Variants in PSMD1 observed in about 807,000 individuals in gnomAD.
The protein encoded by PSMD1 is 26S proteasome non-ATPase regulatory subunit 1.
A neutral mutation model predicts 119.0 loss-of-function variants in PSMD1; 18 were observed. The ratio of observed to expected loss-of-function variants is 0.15; its 90% CI spans 0.10 to 0.22. PSMD1 has a LOEUF of 0.22. PSMD1 is among the 10% of genes least tolerant of loss of function. PSMD1 has a pLI of 1.00. For synonymous variants in PSMD1, 374 were observed against 396.6 expected (o/e 0.94, Z 0.68); for missense variants, 702 against 1,158.5 (o/e 0.61, Z 5.72).
At chr2:231,084,355 A>AAT (rs528133452) in intron 14 of PSMD1, among the ~76,000 whole-genome samples, 19 of 150,770 alleles carry the variant, frequency 1.3e-4, no homozygotes, top group South Asian at 8.4e-4. Flanking sequence ...CCATCTCAAA[A>AAT]ATATATATAT....
chr2:231,109,452 C>T, intron 16 of PSMD1: 1 of 1,518,850 alleles, frequency 6.6e-7, no homozygotes, highest in Non-Finnish European at 9.1e-7. Flanking sequence ...ATTTTATGAC[C>T]TGTAACTCTT....
Position 231,170,505 on chromosome 2 carries a change from C to G in PSMD1, c.2716-61C>G, listed in dbSNP as rs766969502. On this transcript the variant is annotated intron_variant, in intron 23 of 24. Coordinates refer to ENST00000308696, the MANE Select transcript of PSMD1 (RefSeq NM_002807.4). The surrounding 1 kb of genome is among the most constrained non-coding windows in gnomAD (Gnocchi z 4.1). ...AAGTACCATTTAACAAGTATTTACT[C>G]TAGATTGTGGAGCACGCTTGAAATA... is the stretch of plus-strand genomic sequence containing the variant. 6 of 1,463,884 alleles carry G rather than the reference C, an allele frequency of 4.1e-6. No homozygotes were observed. The highest frequency in any genetic ancestry group is 2.4e-5 in the Admixed American group (1 of 42,082). 90.7% of individuals were successfully genotyped at this position (1,463,884 alleles called of 1,614,324 possible).
At chr2:231,168,158 A>C (rs1696830796) in intron 23 of PSMD1, among the ~76,000 whole-genome samples, 2 of 152,262 alleles carry the variant, frequency 1.3e-5, no homozygotes, top group African/African-American at 4.8e-5. Flanking sequence ...GGCTGTAATC[A>C]AAAAGACCGC....
At chr2:231,158,105 G>A (rs1696554719) in intron 19 of PSMD1, among the ~76,000 whole-genome samples, 2 of 151,912 alleles carry the variant, frequency 1.3e-5, no homozygotes. Flanking sequence ...GAGGTCAGGA[G>A]TTTGAGACCA....
chr2:231,123,327 AAAAGT>A, intron 16 of PSMD1: 1 of 998,836 alleles, frequency 1.0e-6, no homozygotes, highest in Non-Finnish European at 1.6e-6. Flanking sequence ...TTATTTCAAG[AAAAGT>A]AAAGATTAAA....
intron 7 of PSMD1, among the ~76,000 whole-genome samples, chr2:231,073,113 G>A (rs1191800942): frequency 6.6e-6 from 1 of 152,114 alleles, no homozygotes; most frequent in Non-Finnish European, 1.5e-5. Flanking sequence ...GAGAGAGATG[G>A]GGGAATGACC....
intron 18 of PSMD1, among the ~76,000 whole-genome samples, chr2:231,150,342 C>G (rs1696345945): frequency 6.7e-6 from 1 of 148,512 alleles, no homozygotes. Flanking sequence ...GTGAGGCTGT[C>G]TCAAGGAGGG....
At chr2:231,065,590 C>T (rs1282921398) in intron 4 of PSMD1, among the ~76,000 whole-genome samples, 2 of 152,160 alleles carry the variant, frequency 1.3e-5, no homozygotes, top group African/African-American at 2.4e-5. Context: ...TGGGCCACCG[C>T]GCCCGGCCAG....
chr2:231,097,421 A>G (rs763093842), intron 16 of PSMD1, among the ~76,000 whole-genome samples: 2 of 152,182 alleles, frequency 1.3e-5, no homozygotes, highest in Non-Finnish European at 2.9e-5. Context: ...TTCCATTAGG[A>G]ACAGTGTTGT....
intron 16 of PSMD1, chr2:231,125,067 T>C (rs1346474329): frequency 2.6e-5 from 4 of 152,230 alleles, no homozygotes; most frequent in Admixed American, 2.6e-4. Flanking sequence ...ATTGACTTAT[T>C]CTGAGCCTCC....
chr2:231,108,477 T>C lies in PSMD1; in HGVS notation c.1883+21296T>C, dbSNP rs184235052. On this transcript the variant is annotated intron_variant, in intron 16 of 24. Coordinates refer to ENST00000308696, the MANE Select transcript of PSMD1 (RefSeq NM_002807.4). ...TGGCACATTTACATCTCATTCATCATCTTACTCATCATTATGTTTGATGAC... is the reference window on the plus strand; with the variant it reads ...TGGCACATTTACATCTCATTCATCACCTTACTCATCATTATGTTTGATGAC... 7 of 1,462,068 alleles carry C rather than the reference T, an allele frequency of 4.8e-6. No homozygotes were observed. In the African/African-American group the frequency reaches 8.3e-5, roughly 17 times the overall value. The allele number at this position is 1,462,068 out of a possible 1,614,324, so 90.6% of individuals were successfully genotyped here.
intron 16 of PSMD1, among the ~76,000 whole-genome samples, chr2:231,126,971 G>A (rs1695737810): frequency 6.6e-6 from 1 of 152,018 alleles, no homozygotes; most frequent in Non-Finnish European, 1.5e-5. Context: ...AGCACTTTAA[G>A]TAGAAAGTAG....
chr2:231,123,041 A>G lies in PSMD1; in HGVS notation c.1884-15695A>G, dbSNP rs552052760. 3.3e-5 allele frequency among the ~76,000 whole-genome samples: 5 copies of G among 152,300 alleles called. No individual in the cohort carries two copies. The South Asian group carries it at 1.0e-3, about 32-fold the overall frequency. ...TAACCCAGCGCATATCTGTCCCGGA[A>G]GTGTCCTAGTTATTGCTTTGAGGAA... On this transcript the variant is annotated intron_variant, in intron 16 of 24. Coordinates refer to ENST00000308696, the MANE Select transcript of PSMD1 (RefSeq NM_002807.4).
chr2:231,113,088 C>T (rs1321173149), intron 16 of PSMD1, among the ~76,000 whole-genome samples: 1 of 151,978 alleles, frequency 6.6e-6, no homozygotes, highest in African/African-American at 2.4e-5. Flanking sequence ...CGCTTGAGCC[C>T]GGGAAGTCGA....
chr2:231,114,568 C>T (rs1228529171), intron 16 of PSMD1, among the ~76,000 whole-genome samples: 1 of 152,184 alleles, frequency 6.6e-6, no homozygotes, highest in Non-Finnish European at 1.5e-5. Flanking sequence ...TATATTTCAT[C>T]ATTCACTCCA....
chr2:231,100,473 T>C (rs1008432050), intron 16 of PSMD1, among the ~76,000 whole-genome samples: 6 of 152,062 alleles, frequency 3.9e-5, no homozygotes, highest in African/African-American at 1.2e-4. Context: ...TAGCAGGTAA[T>C]TGGAATGAGT....
chr2:231,165,653 A>G (rs183820568), intron 22 of PSMD1, among the ~76,000 whole-genome samples: 1 of 152,070 alleles, frequency 6.6e-6, no homozygotes, highest in East Asian at 1.9e-4. Context: ...TGGTAGAAAA[A>G]CCTTTTTAAT....
chr2:231,074,343 T>C (rs1308823560), intron 7 of PSMD1, among the ~76,000 whole-genome samples: 2 of 152,086 alleles, frequency 1.3e-5, no homozygotes, highest in African/African-American at 2.4e-5. Context: ...TGACCTCAGG[T>C]GATCCGCTTG....
At chr2:231,067,476 A>G (rs927449969) in intron 5 of PSMD1, among the ~76,000 whole-genome samples, 1 of 152,158 alleles carries the variant, frequency 6.6e-6, no homozygotes, top group African/African-American at 2.4e-5. Flanking sequence ...TAAGTCACCA[A>G]CCGAAGTGGT....
Sources: gnomAD v4.1 joint callset for allele counts (sites outside exome capture counted in the v4.1 genomes callset) on GRCh38, gnomAD v4.1.1 for gene constraint, Gnocchi (gnomAD v3.1) non-coding constraint, MANE v1.5 for transcripts, NCBI Gene and HGNC (gene_info 2026-07-23, HGNC 2026-07-21) for gene names.